Variants in SCFD2 observed in about 807,000 individuals in gnomAD.
SCFD2 encodes the protein sec1 family domain-containing protein 2.
In SCFD2, 54 loss-of-function variants were observed where a neutral mutation model predicts 58.9. That is an observed-to-expected ratio of 0.92 (90% CI 0.74 to 1.15). SCFD2 has a LOEUF of 1.15. Among genes scored for constraint, SCFD2 ranks in the 50% most tolerant of loss-of-function variants. The probability of loss-of-function intolerance (pLI) is 0.00; values close to 1 mark genes in which losing one functional copy is unlikely to be tolerated. For synonymous variants in SCFD2, 321 were observed against 335.9 expected, an observed-to-expected ratio of 0.96 and a Z score of 0.49; for missense variants, 805 against 836.6, an observed-to-expected ratio of 0.96 and a Z score of 0.47.
chr4:53,281,629 C>A (rs1254122971), intron 3 of SCFD2, among the ~76,000 whole-genome samples: 1 of 152,138 alleles, frequency 6.6e-6, no homozygotes, highest in Non-Finnish European at 1.5e-5. Flanking sequence ...TCAGGAGATG[C>A]ATCAGAATGA....
At chr4:53,351,055 ACT>A (rs1196397112) in intron 2 of SCFD2, among the ~76,000 whole-genome samples, 2 of 152,076 alleles carry the variant, frequency 1.3e-5, no homozygotes, top group African/African-American at 4.8e-5. Flanking sequence ...CCTCCCACGA[ACT>A]CTGTTACTTA....
chr4:53,049,646 C>A (rs1438608756), intron 5 of SCFD2, among the ~76,000 whole-genome samples: 2 of 152,022 alleles, frequency 1.3e-5, no homozygotes, highest in East Asian at 3.9e-4. Flanking sequence ...AAAGAGTGAG[C>A]AGAAAGGCAG....
chr4:52,965,238 C>T (rs1720937187), intron 5 of SCFD2, among the ~76,000 whole-genome samples: 1 of 151,928 alleles, frequency 6.6e-6, no homozygotes, highest in Admixed American at 6.6e-5. Context: ...ACTATAAAAG[C>T]CCCCCCGCAA....
intron 5 of SCFD2, among the ~76,000 whole-genome samples, chr4:53,094,994 G>A (rs1724576338): frequency 6.6e-6 from 1 of 151,996 alleles, no homozygotes; most frequent in South Asian, 2.1e-4. Flanking sequence ...ACTTTTACTT[G>A]GCTTTAAAGA....
At chr4:52,930,678 T>C (rs1249567381) in intron 5 of SCFD2, among the ~76,000 whole-genome samples, 1 of 152,148 alleles carries the variant, frequency 6.6e-6, no homozygotes, top group African/African-American at 2.4e-5. Context: ...TATCTTAAGG[T>C]TTTATGTGTT....
intron 5 of SCFD2, chr4:52,957,727 AC>A (rs1333924905): frequency 6.6e-6 from 1 of 152,130 alleles, no homozygotes; most frequent in Non-Finnish European, 1.5e-5. Flanking sequence ...CTTTGATTAA[AC>A]CCTTGTTTGA....
intron 4 of SCFD2, among the ~76,000 whole-genome samples, chr4:53,185,878 C>A (rs531896632): frequency 6.6e-6 from 1 of 152,138 alleles, no homozygotes; most frequent in Admixed American, 6.6e-5. Context: ...AAATATCCTG[C>A]CCTCCTTGAG....
chr4:52,972,297 G>T (rs1441411186), intron 5 of SCFD2, among the ~76,000 whole-genome samples: 1 of 152,038 alleles, frequency 6.6e-6, no homozygotes, highest in Non-Finnish European at 1.5e-5. Flanking sequence ...ACACACATAG[G>T]CTCAAAATAA....
At chr4:52,961,306 C>T (rs145437936) in intron 5 of SCFD2, among the ~76,000 whole-genome samples, 23 of 152,114 alleles carry the variant, frequency 1.5e-4, no homozygotes, top group Middle Eastern at 3.4e-3. Flanking sequence ...GATGTAATCC[C>T]GAAGCTACTG....
chr4:52,917,253 T>C (rs1270839986), intron 6 of SCFD2, among the ~76,000 whole-genome samples: 1 of 152,164 alleles, frequency 6.6e-6, no homozygotes, highest in African/African-American at 2.4e-5. Flanking sequence ...CATTAGAGCA[T>C]TTTTATGAGA....
chr4:53,296,681 C>T (rs1290133379), intron 3 of SCFD2, among the ~76,000 whole-genome samples: 14 of 151,898 alleles, frequency 9.2e-5, no homozygotes, highest in Admixed American at 2.6e-4. Flanking sequence ...TTCTGCTAGC[C>T]TTTGAATTTC....
intron 4 of SCFD2, among the ~76,000 whole-genome samples, chr4:53,214,149 A>C (rs936464612): frequency 6.6e-6 from 1 of 152,154 alleles, no homozygotes; most frequent in Non-Finnish European, 1.5e-5. Flanking sequence ...AGCATGATAT[A>C]TACTCCTTTG....
At chr4:53,266,796 A>G (rs1730996865) in intron 4 of SCFD2, among the ~76,000 whole-genome samples, 1 of 152,218 alleles carries the variant, frequency 6.6e-6, no homozygotes, top group Non-Finnish European at 1.5e-5. Context: ...GACCTTGGAG[A>G]TAAGAGAGAG....
At chr4:52,898,810 G>C (rs1309918427) in intron 7 of SCFD2, among the ~76,000 whole-genome samples, 1 of 152,154 alleles carries the variant, frequency 6.6e-6, no homozygotes, top group African/African-American at 2.4e-5. Context: ...AGGTCTCTAA[G>C]GACTTGCTTT....
At chr4:53,321,181 T>C (rs1733011746) in intron 2 of SCFD2, among the ~76,000 whole-genome samples, 1 of 152,094 alleles carries the variant, frequency 6.6e-6, no homozygotes, top group African/African-American at 2.4e-5. Flanking sequence ...TTCAAGAAAC[T>C]TCTGTACATG....
At chr4:53,026,227 T>G (rs1722471163) in intron 5 of SCFD2, among the ~76,000 whole-genome samples, 1 of 152,206 alleles carries the variant, frequency 6.6e-6, no homozygotes, top group South Asian at 2.1e-4. Context: ...GAGTAGAATA[T>G]TCCCATTGTA....
chr4:52,968,642 A>G (rs1721019752), intron 5 of SCFD2, among the ~76,000 whole-genome samples: 1 of 152,242 alleles, frequency 6.6e-6, no homozygotes, highest in South Asian at 2.1e-4. Flanking sequence ...AGTGGGTGTG[A>G]CAAAAATCTC....
intron 4 of SCFD2, among the ~76,000 whole-genome samples, chr4:53,157,039 T>C (rs1726710788): frequency 6.6e-6 from 1 of 152,236 alleles, no homozygotes; most frequent in Non-Finnish European, 1.5e-5. Context: ...TTACTGTCAA[T>C]GTCAAAATTC....
chr4:53,207,566 TATA>T (rs1377160492), intron 4 of SCFD2, among the ~76,000 whole-genome samples: 23 of 38,924 alleles, frequency 5.9e-4, no homozygotes, highest in African/African-American at 1.9e-3. Context: ...ATATAATATA[TATA>T]ATATTTATAT....
Sources: allele counts gnomAD v4.1 joint callset (sites outside exome capture counted in the v4.1 genomes callset), GRCh38; gene constraint gnomAD v4.1.1; transcripts MANE v1.5; gene names NCBI Gene and HGNC (gene_info 2026-07-23, HGNC 2026-07-21).